The following IL6R variants were observed in gnomAD, a reference collection of about 807,000 sequenced individuals.
IL6R encodes the protein interleukin-6 receptor subunit alpha.
IL6R carries 38 observed loss-of-function variants against 48.3 expected under a neutral mutation model. The ratio of observed to expected loss-of-function variants is 0.79; its 90% CI spans 0.61 to 1.03. IL6R has a LOEUF of 1.03. Among genes scored for constraint, IL6R ranks in the 50% least tolerant of loss-of-function variants. The pLI is 0.00. For missense variants in IL6R, 534 were observed against 618.3 expected, an observed-to-expected ratio of 0.86 and a Z score of 1.45; for synonymous variants, 264 against 256.2, an observed-to-expected ratio of 1.03 and a Z score of -0.29.
At chr1:154,421,281 G>A (rs992701892) in intron 1 of IL6R, among the ~76,000 whole-genome samples, 1 of 152,200 alleles carries the variant, frequency 6.6e-6, no homozygotes, top group African/African-American at 2.4e-5. Context: ...GGGGCAGTGG[G>A]GAGAGGTGGG....
At chr1:154,452,096 C>T (rs767058211) in intron 8 of IL6R, among the ~76,000 whole-genome samples, 3 of 152,110 alleles carry the variant, frequency 2.0e-5, no homozygotes, top group Non-Finnish European at 2.9e-5. Context: ...CAGCCCCTGC[C>T]GCCTCTCATC....
chr1:154,436,059 C>G lies in IL6R; in HGVS notation c.898C>G (p.Gln300Glu), dbSNP rs147222925. ...VQLRAQEEFG[Q>E]GEWSEWSPEA... ...GCTTCGTGCCCAGGAGGAGTTCGGG[C>G]AAGGCGAGTGGAGCGAGTGGAGCCC... is the stretch of plus-strand genomic sequence containing the variant. The change falls in exon 6 of 10, where the codon CAA (glutamine) becomes GAA (glutamate). Residue 300 changes from glutamine to glutamate, a missense_variant. Gln to Glu is a conservative substitution (Grantham distance 29). Coordinates refer to ENST00000368485, the MANE Select transcript of IL6R (RefSeq NM_000565.4). 40 of 1,613,184 alleles carry G rather than the reference C, an allele frequency of 2.5e-5. No homozygotes were observed. In the African/African-American group the frequency reaches 3.6e-4, roughly 15 times the overall value.
At chr1:154,419,408 G>A (rs1460440548) in intron 1 of IL6R, among the ~76,000 whole-genome samples, 1 of 152,170 alleles carries the variant, frequency 6.6e-6, no homozygotes, top group East Asian at 1.9e-4. Context: ...GTTTCCATGT[G>A]GACACAAGGT....
intron 1 of IL6R, chr1:154,414,387 G>A (rs1427579720): frequency 7.8e-6 from 11 of 1,416,262 alleles, no homozygotes; most frequent in East Asian, 2.4e-5. Context: ...TCCAGCTGCC[G>A]GGCATACTCG....
intron 8 of IL6R, chr1:154,454,076 C>CA: frequency 4.8e-6 from 1 of 208,204 alleles, no homozygotes; most frequent in Non-Finnish European, 9.9e-6. Flanking sequence ...CTCAAAGGAA[C>CA]TGCCATCAAG....
chr1:154,420,038 G>A (rs1416690933), intron 1 of IL6R, among the ~76,000 whole-genome samples: 1 of 151,928 alleles, frequency 6.6e-6, no homozygotes, highest in African/African-American at 2.4e-5. Flanking sequence ...TTGCTTGTTG[G>A]GAGTTACTAG....
chr1:154,420,522 T>A (rs1688602686), intron 1 of IL6R, among the ~76,000 whole-genome samples: 1 of 150,986 alleles, frequency 6.6e-6, no homozygotes, highest in Non-Finnish European at 1.5e-5. Context: ...TTTATTTATT[T>A]ATTTATTTAT....
At chr1:154,457,292 C>T (rs1299336678) in intron 9 of IL6R, among the ~76,000 whole-genome samples, 6 of 139,350 alleles carry the variant, frequency 4.3e-5, no homozygotes, top group African/African-American at 1.4e-4. Flanking sequence ...CACTGCACTC[C>T]AGCCTGGACA....
intron 1 of IL6R, among the ~76,000 whole-genome samples, chr1:154,418,161 C>T (rs980612965): frequency 4.8e-4 from 73 of 152,324 alleles, no homozygotes; most frequent in African/African-American, 1.7e-3. Context: ...TGAGCTGCCG[C>T]ACATGGCCTT....
chr1:154,442,440 C>T (rs943586777), intron 6 of IL6R, among the ~76,000 whole-genome samples: 12 of 152,082 alleles, frequency 7.9e-5, no homozygotes, highest in Admixed American at 3.3e-4. Context: ...GAGGCCGACA[C>T]GTGTGTGGGT....
intron 2 of IL6R, among the ~76,000 whole-genome samples, chr1:154,429,952 C>T (rs1039463395): frequency 1.3e-5 from 2 of 152,096 alleles, no homozygotes; most frequent in African/African-American, 2.4e-5. Flanking sequence ...AAGTTCTTAG[C>T]TCCCTCATAC....
At chr1:154,428,726 C>T (rs79150137) in intron 1 of IL6R, among the ~76,000 whole-genome samples, 3,071 of 152,208 alleles carry the variant, frequency 0.02, 106 homozygotes, top group African/African-American at 0.069. Context: ...CCTAGTGGAG[C>T]TGGGGGACCG....
intron 6 of IL6R, among the ~76,000 whole-genome samples, chr1:154,447,570 CACAT>C (rs1388834257): frequency 1.1e-4 from 16 of 145,094 alleles, no homozygotes; most frequent in African/African-American, 4.1e-4. Context: ...TATATATATA[CACAT>C]ACATATATAT....
intron 1 of IL6R, among the ~76,000 whole-genome samples, chr1:154,422,796 A>G (rs552624151): frequency 8.7e-4 from 132 of 152,272 alleles, no homozygotes; most frequent in Non-Finnish European, 1.5e-3. Flanking sequence ...CCGGGGTGGG[A>G]GCATGAGAAT....
chr1:154,436,847 G>A (rs1689654016), intron 6 of IL6R, among the ~76,000 whole-genome samples: 1 of 152,164 alleles, frequency 6.6e-6, no homozygotes, highest in African/African-American at 2.4e-5. Context: ...GTTGAAATTA[G>A]AGCATGAAAA....
intron 6 of IL6R, among the ~76,000 whole-genome samples, chr1:154,447,438 CAAAAAAA>C (rs201893129): frequency 0.016 from 605 of 38,310 alleles, 84 homozygotes; most frequent in Middle Eastern, 0.071. Flanking sequence ...AACTCCATCT[CAAAAAAA>C]AAAAAAAAAA....
intron 1 of IL6R, among the ~76,000 whole-genome samples, chr1:154,420,929 C>T (rs1054005844): frequency 2.0e-5 from 3 of 152,160 alleles, no homozygotes; most frequent in Non-Finnish European, 4.4e-5. Flanking sequence ...TTAAACTGAC[C>T]AGACCAGACC....
rs772004489 is a variant in IL6R, at chr1:154,434,534, C to G, written c.474C>G (p.Ala158=). The change falls in exon 4 of 10, where the codon GCC becomes GCG. Residue 158 remains alanine (A), a synonymous_variant. Coordinates refer to ENST00000368485, the MANE Select transcript of IL6R (RefSeq NM_000565.4). ...LLVRKFQNSP[A]EDFQEPCQYS... ...TGTCTAACAGTCAGAACAGTCCGGCCGAAGACTTCCAGGAGCCGTGCCAGT... is the reference window on the plus strand; with the variant it reads ...TGTCTAACAGTCAGAACAGTCCGGCGGAAGACTTCCAGGAGCCGTGCCAGT... 1.2e-6 allele frequency: 2 copies of G among 1,613,318 alleles called. No individual in the cohort carries two copies. Among genetic ancestry groups the G allele is most frequent in the East Asian group, 2.2e-5 (1 of 44,874 alleles).
At chr1:154,446,662 G>A (rs753688886) in intron 6 of IL6R, among the ~76,000 whole-genome samples, 4 of 152,182 alleles carry the variant, frequency 2.6e-5, no homozygotes, top group Admixed American at 2.6e-4. Flanking sequence ...TGCAGGGGGA[G>A]GGAGCCGTGA....
Sources: gnomAD v4.1 joint callset for allele counts (sites outside exome capture counted in the v4.1 genomes callset) on GRCh38, gnomAD v4.1.1 for gene constraint, MANE v1.5 for transcripts, NCBI Gene and HGNC (gene_info 2026-07-23, HGNC 2026-07-21) for gene names.